The following ERICH5 variants were observed in gnomAD, a reference collection of about 807,000 sequenced individuals.
ERICH5 encodes the protein glutamate-rich protein 5.
ERICH5 carries 24 observed loss-of-function variants against 28.0 expected under a neutral mutation model. The ratio of observed to expected loss-of-function variants is 0.86; its 90% CI spans 0.62 to 1.21. ERICH5 has a LOEUF of 1.21. ERICH5 is among the 50% of genes most tolerant of loss of function. The pLI is 0.00. For missense variants in ERICH5, 421 were observed against 441.2 expected (o/e 0.95, Z 0.41); for synonymous variants, 163 against 157.6 (o/e 1.03, Z -0.25).
intron 1 of ERICH5, among the ~76,000 whole-genome samples, chr8:98,067,709 G>T (rs2130505055): frequency 6.6e-6 from 1 of 151,492 alleles, no homozygotes; most frequent in South Asian, 2.1e-4. Flanking sequence ...TCGGCCTCCT[G>T]GGTTCAAGTG....
chr8:98,093,274 G>A lies in ERICH5; in HGVS notation c.1066G>A (p.Gly356Arg), dbSNP rs1815440851. 6.2e-7 allele frequency: 1 copy of A among 1,613,966 alleles called. No homozygotes were observed. The stretch of plus-strand genomic sequence containing the variant: ...CATGGAGAATGAGAAAGTGAGTGAA[G>A]GGGCTGAAACCAAAGAAGAAGAAAC... ...TDMENEKVSE[G>R]AETKEEETGE... The change falls in exon 3 of 3, where the codon GGG becomes AGG. Residue 356 changes from glycine to arginine, a missense_variant. Coordinates refer to ENST00000318528, the MANE Select transcript of ERICH5 (RefSeq NM_173549.3).
Position 98,091,900 on chromosome 8 carries a change from C to CTTTTCTTTCTTT in ERICH5, c.1013-1321_1013-1320insTTTTCTTTCTTT. ...TCTTTCTTTCTTTCTTTCTTTCTTTCCTTTCTTTCTTTCTTTCTTCCTTTC... is the reference window on the plus strand; with the variant it reads ...TCTTTCTTTCTTTCTTTCTTTCTTTCTTTTCTTTCTTTCTTTCTTTCTTTCTTTCTTCCTTTC... On this transcript the variant is annotated intron_variant, in intron 2 of 2. Coordinates refer to ENST00000318528, the MANE Select transcript of ERICH5 (RefSeq NM_173549.3). 3.8e-3 allele frequency among the ~76,000 whole-genome samples: 282 copies of CTTTTCTTTCTTT among 74,708 alleles called. 8 individuals carry two copies. Among genetic ancestry groups the CTTTTCTTTCTTT allele is most frequent in the African/African-American group, 0.011 (190 of 17,842 alleles). 49.0% of individuals were successfully genotyped at this position (74,708 alleles called of 152,430 possible).
chr8:98,070,719 G>GA (rs1172341575), intron 1 of ERICH5, among the ~76,000 whole-genome samples: 1 of 130,306 alleles, frequency 7.7e-6, no homozygotes, highest in South Asian at 2.4e-4. Flanking sequence ...TGAAAGAAAA[G>GA]AAAAAAAAGC....
At chr8:98,078,563 A>T (rs941292799) in intron 1 of ERICH5, among the ~76,000 whole-genome samples, 1 of 152,180 alleles carries the variant, frequency 6.6e-6, no homozygotes, top group African/African-American at 2.4e-5. Context: ...TAATGAACTG[A>T]GTTGAAAAGC....
chr8:98,088,032 G>A (rs908156175), intron 1 of ERICH5, among the ~76,000 whole-genome samples: 3 of 151,570 alleles, frequency 2.0e-5, no homozygotes, highest in African/African-American at 7.3e-5. Flanking sequence ...GATCAGCCTG[G>A]GCAACATAGT....
At chr8:98,070,349 C>CA (rs1563752645) in intron 1 of ERICH5, among the ~76,000 whole-genome samples, 2 of 149,564 alleles carry the variant, frequency 1.3e-5, no homozygotes, top group Non-Finnish European at 3.0e-5. Flanking sequence ...CACAGTGAGA[C>CA]TTCTCTCTAA....
At chr8:98,073,523 T>C (rs1814986715) in intron 1 of ERICH5, among the ~76,000 whole-genome samples, 1 of 11,236 alleles carries the variant, frequency 8.9e-5, no homozygotes, top group African/African-American at 3.2e-4. Flanking sequence ...TATGTATATA[T>C]ATATATATAT....
rs561222384 is a variant in ERICH5, at chr8:98,082,514, G to T, written c.59-6562G>T. 3.3e-5 allele frequency among the ~76,000 whole-genome samples: 5 copies of T among 152,040 alleles called. No individual in the cohort carries two copies. The East Asian group carries it at 7.7e-4, about 24-fold the overall frequency. On this transcript the variant is annotated intron_variant, in intron 1 of 2. Coordinates refer to ENST00000318528, the MANE Select transcript of ERICH5 (RefSeq NM_173549.3). ...TACAAAATTAGCCAGGTGTGGTGGC[G>T]CATGCCTATAGTCCCAGCTACTCAG...
rs1387975942 is a variant in ERICH5 at position 98,067,619 on chromosome 8, C to CT, written c.58+2905dup. Among the ~76,000 whole-genome samples, 317 of 145,754 alleles carry CT rather than the reference C, an allele frequency of 2.2e-3. 1 individual carries two copies. The highest frequency in any genetic ancestry group is 8.8e-3 in the South Asian group (40 of 4,546). On this transcript the variant is annotated intron_variant, in intron 1 of 2. Transcript: ENST00000318528. ...ACAATCAACAAATTATACTATGTAT[C>CT]TTTTTTTTTTTTTGAGACGGCATTT...
chr8:98,073,464 ATATATATATATATATATATATGT>A (rs1814971492), intron 1 of ERICH5, among the ~76,000 whole-genome samples: 1 of 2,054 alleles, frequency 4.9e-4, no homozygotes, highest in African/African-American at 2.2e-3. Context: ...ATATATGTAT[ATATATATATATATATATATATGT>A]ATATATATAT....
chr8:98,091,952 CTTTCTTTCTTT>C (rs1279655460), intron 2 of ERICH5, among the ~76,000 whole-genome samples: 1 of 59,318 alleles, frequency 1.7e-5, no homozygotes, highest in East Asian at 3.9e-4. Context: ...TTTCTTTCTT[CTTTCTTTCTTT>C]TTTCTTTCTT....
At chr8:98,092,137 A>G (rs1815421129) in intron 2 of ERICH5, among the ~76,000 whole-genome samples, 1 of 151,322 alleles carries the variant, frequency 6.6e-6, no homozygotes, top group East Asian at 1.9e-4. Flanking sequence ...AGCTAGGACT[A>G]CAGGAATGTG....
chr8:98,072,556 T>G (rs770115372), intron 1 of ERICH5, among the ~76,000 whole-genome samples: 7 of 152,146 alleles, frequency 4.6e-5, no homozygotes, highest in Non-Finnish European at 8.8e-5. Flanking sequence ...GAAAATCACT[T>G]GAACCTGGGA....
In ERICH5 at chr8:98,093,602, T is replaced by C. The variant is rs1815448956; in HGVS notation, c.*269T>C. The C allele has an allele frequency of 4.1e-6, 1 of 243,756 alleles. No individual in the cohort carries two copies. Among genetic ancestry groups the C allele is most frequent in the Admixed American group, 5.5e-5 (1 of 18,170 alleles). The allele number at this position is 243,756 out of a possible 1,614,324, so 15.1% of individuals were successfully genotyped here. On this transcript the variant is annotated 3_prime_UTR_variant, in exon 3 of 3. Coordinates refer to ENST00000318528, the MANE Select transcript of ERICH5 (RefSeq NM_173549.3). The stretch of plus-strand genomic sequence containing the variant: ...ACCAAAGCCAATAAAAATGATGTGA[T>C]TATTTAAGAGTGTGAGGGTGACTTT...
chr8:98,074,313 T>C (rs2130514288), intron 1 of ERICH5, among the ~76,000 whole-genome samples: 1 of 152,294 alleles, frequency 6.6e-6, no homozygotes, highest in South Asian at 2.1e-4. Context: ...GGTATGCGAA[T>C]GGCTACAGTT....
In ERICH5 at chr8:98,068,561, G is replaced by A. The variant is rs575050559; in HGVS notation, c.58+3834G>A. On this transcript the variant is annotated intron_variant, in intron 1 of 2. Coordinates refer to ENST00000318528, the MANE Select transcript of ERICH5 (RefSeq NM_173549.3). ...TAGGACAATTTCTGTTGTTTTGAGT[G>A]TCCTGAGGATCCGATGCAATCTGAA... 2.6e-5 allele frequency among the ~76,000 whole-genome samples: 4 copies of A among 152,268 alleles called. No homozygotes were observed. In the East Asian group the frequency reaches 7.7e-4, roughly 29 times the overall value.
chr8:98,091,842 TTC>T (rs200004807), intron 2 of ERICH5, among the ~76,000 whole-genome samples: 749 of 66,078 alleles, frequency 0.011, 5 homozygotes, highest in Non-Finnish European at 0.016. Flanking sequence ...TTCTTTTTCT[TTC>T]TTTCTTTCTT....
rs551866163 is a variant in ERICH5, at chr8:98,079,634, G to A, written c.59-9442G>A. ...GGCTCACTGCAACCTCCGCCTCCTG[G>A]GTTCAAGTGATTCTCCTGCCTCGGC... is the stretch of plus-strand genomic sequence containing the variant. On this transcript the variant is annotated intron_variant, in intron 1 of 2. Transcript: ENST00000318528. Among the ~76,000 whole-genome samples the A allele has an allele frequency of 2.5e-3, 383 of 152,242 alleles. 2 individuals are homozygous for A. Among genetic ancestry groups the A allele is most frequent in the African/African-American group, 8.6e-3 (357 of 41,548 alleles).
chr8:98,091,900 C>CTTTCTTTCTTTCCTTTCTTTCTTTCTTT, intron 2 of ERICH5, among the ~76,000 whole-genome samples: 7 of 74,702 alleles, frequency 9.4e-5, no homozygotes, highest in South Asian at 4.6e-4. Flanking sequence ...TTCTTTCTTT[C>CTTTCTTTCTTTCCTTTCTTTCTTTCTTT]CTTTCTTTCT....
Sources: gnomAD v4.1 joint callset for allele counts (sites outside exome capture counted in the v4.1 genomes callset) on GRCh38, gnomAD v4.1.1 for gene constraint, MANE v1.5 for transcripts, NCBI Gene and HGNC (gene_info 2026-07-23, HGNC 2026-07-21) for gene names.